Variants in AFF2 observed in about 807,000 individuals in gnomAD.
The protein encoded by AFF2 is AF4/FMR2 family member 2.
Under a neutral mutation model 76.9 loss-of-function variants are expected in AFF2, and 14 were observed. That is an observed-to-expected ratio of 0.18 (90% CI 0.12 to 0.28). The LOEUF is 0.28. AFF2 is among the 10% of genes least tolerant of loss of function. AFF2 has a pLI of 1.00. For synonymous variants in AFF2, 398 were observed against 366.7 expected (o/e 1.09, Z -0.98); for missense variants, 868 against 1,001.1 (o/e 0.87, Z 1.79).
intron 4 of AFF2, among the ~76,000 whole-genome samples, chrX:148,810,956 G>C (rs1337628913): frequency 9.0e-5 from 10 of 111,515 alleles, no homozygotes; most frequent in Non-Finnish European, 1.9e-4. Flanking sequence ...AGCAAATGCA[G>C]CCAAAGGAAT....
chrX:148,883,033 G>A (rs782325432), intron 7 of AFF2, among the ~76,000 whole-genome samples: 2 of 110,390 alleles, frequency 1.8e-5, no homozygotes, highest in East Asian at 5.8e-4. Context: ...TAGATTGGCT[G>A]CCTATTTCCA....
At chrX:148,535,598 G>T (rs782728159) in intron 1 of AFF2, among the ~76,000 whole-genome samples, 1 of 112,500 alleles carries the variant, frequency 8.9e-6, no homozygotes, top group Non-Finnish European at 1.9e-5. Context: ...ATTGTAACAA[G>T]AAATATTTTT....
chrX:148,643,506 A>G (rs1202283327), intron 1 of AFF2, among the ~76,000 whole-genome samples: 1 of 111,870 alleles, frequency 8.9e-6, no homozygotes, highest in Non-Finnish European at 1.9e-5. Context: ...GTGATAGTGA[A>G]GCCTCGTTTT....
Position 148,650,533 on chromosome X carries a change from C to T in AFF2, c.48-1466C>T, listed in dbSNP as rs141795289. Among the ~76,000 whole-genome samples the T allele has an allele frequency of 1.6e-4, 18 of 111,877 alleles. No individual in the cohort carries two copies. The East Asian group carries it at 2.3e-3, about 14-fold the overall frequency. On this transcript the variant is annotated intron_variant, in intron 1 of 20. Coordinates refer to ENST00000370460, the MANE Select transcript of AFF2 (RefSeq NM_002025.4). ...GTCCAGTGAGCTTTAATGTATCTGA[C>T]GTTTGTATTATGAAAGTGTAATGTG...
chrX:148,511,237 G>T (rs190668125), intron 1 of AFF2, among the ~76,000 whole-genome samples: 1 of 109,930 alleles, frequency 9.1e-6, no homozygotes, highest in Non-Finnish European at 1.9e-5. Flanking sequence ...TGCTTTAAGG[G>T]TAATTGGGCA....
chrX:148,653,820 G>A (rs899070036), intron 2 of AFF2, among the ~76,000 whole-genome samples: 1 of 111,711 alleles, frequency 9.0e-6, no homozygotes, highest in African/African-American at 3.3e-5. Context: ...GTGGTATCAT[G>A]AACAAGTTTT....
Position 148,573,683 on chromosome X carries a change from T to C in AFF2, c.47+72539T>C, listed in dbSNP as rs187203492. Reference sequence around the variant, plus strand: ...GCAGACATTTAAGGTTAACGTGTCTTATTCCCACAACATAGGCAACTTTAG... The same window carrying C: ...GCAGACATTTAAGGTTAACGTGTCTCATTCCCACAACATAGGCAACTTTAG... On this transcript the variant is annotated intron_variant, in intron 1 of 20. Transcript: ENST00000370460. Among the ~76,000 whole-genome samples the C allele has an allele frequency of 1.9e-3, 213 of 111,351 alleles. 2 individuals carry two copies. Among genetic ancestry groups the C allele is most frequent in the Admixed American group, 0.017 (173 of 10,471 alleles).
chrX:148,781,880 A>C, intron 3 of AFF2, among the ~76,000 whole-genome samples: 1 of 111,479 alleles, frequency 9.0e-6, no homozygotes, highest in East Asian at 2.8e-4. Flanking sequence ...ACCATGGGAA[A>C]AGCATAGTAT....
chrX:148,879,079 C>T (rs1174763694), intron 7 of AFF2, among the ~76,000 whole-genome samples: 1 of 111,795 alleles, frequency 8.9e-6, no homozygotes, highest in Non-Finnish European at 1.9e-5. Flanking sequence ...AGGGTTCATA[C>T]TATTAGATTT....
chrX:148,583,519 A>C (rs2053435465), intron 1 of AFF2, among the ~76,000 whole-genome samples: 1 of 111,767 alleles, frequency 8.9e-6, no homozygotes, highest in Non-Finnish European at 1.9e-5. Flanking sequence ...CTATGTCCTA[A>C]AAGTCCCTGC....
chrX:148,652,596 T>C (rs2124457572), intron 2 of AFF2, among the ~76,000 whole-genome samples: 1 of 111,957 alleles, frequency 8.9e-6, no homozygotes, highest in African/African-American at 3.2e-5. Flanking sequence ...TCTTTGAAAA[T>C]CATTGTTCTA....
intron 9 of AFF2, among the ~76,000 whole-genome samples, chrX:148,938,282 G>A (rs1302800004): frequency 8.9e-6 from 1 of 111,831 alleles, no homozygotes; most frequent in East Asian, 2.8e-4. Flanking sequence ...GCTAATCTTC[G>A]TTGTCATTAT....
intron 3 of AFF2, among the ~76,000 whole-genome samples, chrX:148,792,895 C>T (rs1418093897): frequency 8.9e-6 from 1 of 111,980 alleles, no homozygotes; most frequent in African/African-American, 3.2e-5. Context: ...AAACACAGCT[C>T]ACAGACAACC....
rs59890095 is a variant in AFF2 at position 148,524,123 on chromosome X, C to CTGTGTG, written c.47+23008_47+23013dup. Among the ~76,000 whole-genome samples, 321 of 83,457 alleles carry CTGTGTG rather than the reference C, an allele frequency of 3.8e-3. 4 individuals are homozygous for CTGTGTG. The highest frequency in any genetic ancestry group is 0.016 in the African/African-American group (312 of 19,168). The allele number at this position is 83,457 out of a possible 115,157, so 72.5% of individuals were successfully genotyped here. A position where few individuals can be genotyped will look rare whatever the true frequency, so the allele number is the denominator to read the frequency against. On this transcript the variant is annotated intron_variant, in intron 1 of 20. Transcript: ENST00000370460. Reference sequence around the variant, plus strand: ...TCTCTCTCTCTCTCTCTCTCTCTCTCTGTGTGTGTGTGTGTGTGTGTGTGT... The same window carrying CTGTGTG: ...TCTCTCTCTCTCTCTCTCTCTCTCTCTGTGTGTGTGTGTGTGTGTGTGTGTGTGTGT...
chrX:148,816,677 A>C (rs2070268418), intron 4 of AFF2, among the ~76,000 whole-genome samples: 1 of 111,297 alleles, frequency 9.0e-6, no homozygotes, highest in Non-Finnish European at 1.9e-5. Flanking sequence ...AATTACATAA[A>C]TGATCCATAT....
At chrX:148,671,501 A>G (rs1173743730) in intron 3 of AFF2, among the ~76,000 whole-genome samples, 1 of 111,220 alleles carries the variant, frequency 9.0e-6, no homozygotes, top group Non-Finnish European at 1.9e-5. Context: ...GATTAGACTA[A>G]CTCATTGGTG....
At position 148,990,587 on chromosome X, in the gene AFF2, G is replaced by A. The variant is rs1302337903; in HGVS notation, c.3815-624G>A. On this transcript the variant is annotated intron_variant, in intron 20 of 20. Coordinates refer to ENST00000370460, the MANE Select transcript of AFF2 (RefSeq NM_002025.4). ...CCCCCTTCCCTAAGTGAACCAAGGG[G>A]AAATCAGCTGGGCATTCTTACCATT... Among the ~76,000 whole-genome samples, 8 of 112,503 alleles carry A rather than the reference G, an allele frequency of 7.1e-5. No individual in the cohort carries two copies. The Admixed American group carries it at 7.5e-4, about 11-fold the overall frequency.
chrX:148,780,165 T>C (rs2069723597), intron 3 of AFF2, among the ~76,000 whole-genome samples: 1 of 112,342 alleles, frequency 8.9e-6, no homozygotes, highest in Admixed American at 9.4e-5. Context: ...CCTTTCTCTC[T>C]GGCTGCCCTT....
intron 1 of AFF2, among the ~76,000 whole-genome samples, chrX:148,539,662 C>CT (rs1175743818): frequency 9.2e-5 from 10 of 109,283 alleles, no homozygotes; most frequent in Non-Finnish European, 1.3e-4. Flanking sequence ...ATTGAACTAT[C>CT]TTTTTTTTTT....
Sources: gnomAD v4.1 joint callset for allele counts (sites outside exome capture counted in the v4.1 genomes callset) on GRCh38, gnomAD v4.1.1 for gene constraint, MANE v1.5 for transcripts, NCBI Gene and HGNC (gene_info 2026-07-23, HGNC 2026-07-21) for gene names.